The following SLC35F1 variants were observed in gnomAD, a reference collection of about 807,000 sequenced individuals.
SLC35F1 encodes the protein chromosome 6 open reading frame 169.
In SLC35F1, 14 loss-of-function variants were observed where a neutral mutation model predicts 48.7. That is an observed-to-expected ratio of 0.29 (90% CI 0.19 to 0.45). The LOEUF (loss-of-function observed/expected upper bound fraction) is 0.45, where lower values mean the gene tolerates loss of function less well. Ranked by LOEUF, SLC35F1 falls within the 20% of genes least tolerant of loss-of-function variation. The probability of loss-of-function intolerance (pLI) is 1.00; values close to 1 mark genes in which losing one functional copy is unlikely to be tolerated. For missense variants in SLC35F1, 404 were observed against 500.0 expected (o/e 0.81, Z 1.83); for synonymous variants, 190 against 202.2 (o/e 0.94, Z 0.51).
intron 1 of SLC35F1, among the ~76,000 whole-genome samples, chr6:118,090,434 G>C (rs1773056244): frequency 6.6e-6 from 1 of 152,120 alleles, no homozygotes; most frequent in Non-Finnish European, 1.5e-5. Flanking sequence ...AAGCTGAAAT[G>C]GTGAGATACT....
Position 118,315,037 on chromosome 6 carries a change from A to G in SLC35F1, c.*785A>G, listed in dbSNP as rs182031707. Reference sequence around the variant, plus strand: ...TACTGTGGCTTTTGGGAGCCCCCAGAAATAATATCATTTGTGTTTAGGACA... The same window carrying G: ...TACTGTGGCTTTTGGGAGCCCCCAGGAATAATATCATTTGTGTTTAGGACA... On this transcript the variant is annotated 3_prime_UTR_variant, in exon 8 of 8. Transcript: ENST00000360388. 1 of 152,760 alleles carries G rather than the reference A, an allele frequency of 6.5e-6. No individual in the cohort carries two copies. Among genetic ancestry groups the G allele is most frequent in the African/African-American group, 2.4e-5 (1 of 41,566 alleles). The allele number at this position is 152,760 out of a possible 1,614,324, so 9.5% of individuals were successfully genotyped here.
At chr6:118,117,323 G>A (rs1045720159) in intron 1 of SLC35F1, among the ~76,000 whole-genome samples, 5 of 152,190 alleles carry the variant, frequency 3.3e-5, no homozygotes, top group African/African-American at 1.2e-4. Flanking sequence ...ATTTTGCAGA[G>A]CAGCTTGCTT....
intron 1 of SLC35F1, among the ~76,000 whole-genome samples, chr6:118,012,788 C>T (rs1562264024): frequency 6.6e-6 from 1 of 152,136 alleles, no homozygotes; most frequent in Admixed American, 6.6e-5. Flanking sequence ...TTATTACAAA[C>T]CATTAAGTAC....
intron 1 of SLC35F1, among the ~76,000 whole-genome samples, chr6:118,008,235 G>A (rs1346614400): frequency 6.6e-6 from 1 of 151,110 alleles, no homozygotes; most frequent in Non-Finnish European, 1.5e-5. Context: ...ATGTACAACT[G>A]TTATATACCA....
intron 2 of SLC35F1, among the ~76,000 whole-genome samples, chr6:118,229,035 A>G (rs1253061174): frequency 6.6e-6 from 1 of 151,684 alleles, no homozygotes. Context: ...GAACAAGAAT[A>G]CTATGAATCA....
intron 1 of SLC35F1, among the ~76,000 whole-genome samples, chr6:117,940,770 A>G (rs1223139509): frequency 1.3e-5 from 2 of 151,996 alleles, no homozygotes; most frequent in Admixed American, 6.6e-5. Context: ...CACCTCAGCC[A>G]CACGAGTAGC....
intron 1 of SLC35F1, among the ~76,000 whole-genome samples, chr6:118,150,778 ATTATT>A (rs2114461653): frequency 6.6e-6 from 1 of 152,344 alleles, no homozygotes; most frequent in South Asian, 2.1e-4. Flanking sequence ...TTTAAACATT[ATTATT>A]TTAACTATCA....
chr6:118,064,858 T>A (rs1772591107), intron 1 of SLC35F1, among the ~76,000 whole-genome samples: 1 of 152,162 alleles, frequency 6.6e-6, no homozygotes, highest in Non-Finnish European at 1.5e-5. Flanking sequence ...TCTTCCTCAG[T>A]ATCTTGTACT....
chr6:118,012,018 A>G (rs1777255581), intron 1 of SLC35F1, among the ~76,000 whole-genome samples: 1 of 152,212 alleles, frequency 6.6e-6, no homozygotes, highest in Non-Finnish European at 1.5e-5. Flanking sequence ...AATGATATTA[A>G]TATTTGTAAT....
At chr6:118,285,960 G>T (rs894416421) in intron 7 of SLC35F1, among the ~76,000 whole-genome samples, 1 of 152,106 alleles carries the variant, frequency 6.6e-6, no homozygotes, top group Non-Finnish European at 1.5e-5. Flanking sequence ...AACTCTACCC[G>T]CATCTTTGCC....
At chr6:118,019,010 A>C (rs1453362190) in intron 1 of SLC35F1, among the ~76,000 whole-genome samples, 1 of 152,212 alleles carries the variant, frequency 6.6e-6, no homozygotes, top group Non-Finnish European at 1.5e-5. Flanking sequence ...TGAATGGGTC[A>C]GTTCAAACAA....
At chr6:118,295,841 A>G (rs760843612) in intron 7 of SLC35F1, among the ~76,000 whole-genome samples, 2 of 152,220 alleles carry the variant, frequency 1.3e-5, no homozygotes, top group Admixed American at 6.5e-5. Flanking sequence ...TGAGAAAAGA[A>G]TTAGGGAAAC....
chr6:117,996,706 C>T (rs1776997346), intron 1 of SLC35F1, among the ~76,000 whole-genome samples: 1 of 152,202 alleles, frequency 6.6e-6, no homozygotes, highest in Non-Finnish European at 1.5e-5. Flanking sequence ...CTCCAACAGA[C>T]CTGCAGCTGA....
intron 2 of SLC35F1, among the ~76,000 whole-genome samples, chr6:118,183,091 A>G (rs1490367434): frequency 2.0e-5 from 3 of 152,224 alleles, no homozygotes; most frequent in Non-Finnish European, 4.4e-5. Flanking sequence ...GAAGAACTGT[A>G]TGGCTCAGAT....
chr6:118,069,295 A>T (rs184459664), intron 1 of SLC35F1, among the ~76,000 whole-genome samples: 4 of 152,188 alleles, frequency 2.6e-5, no homozygotes, highest in Non-Finnish European at 5.9e-5. Context: ...TTATTTCAGG[A>T]CATATCGAAT....
chr6:117,919,897 T>G (rs754831435), intron 1 of SLC35F1, among the ~76,000 whole-genome samples: 1 of 152,124 alleles, frequency 6.6e-6, no homozygotes, highest in African/African-American at 2.4e-5. Flanking sequence ...TTGACAGGCT[T>G]CAGGAAAGGG....
chr6:117,932,145 C>T (rs1263381134), intron 1 of SLC35F1, among the ~76,000 whole-genome samples: 3 of 152,230 alleles, frequency 2.0e-5, no homozygotes, highest in East Asian at 1.9e-4. Context: ...TGTGTGAGGA[C>T]GCAGCAAAAT....
At chr6:118,036,686 T>C (rs1772136098) in intron 1 of SLC35F1, among the ~76,000 whole-genome samples, 1 of 152,128 alleles carries the variant, frequency 6.6e-6, no homozygotes, top group Non-Finnish European at 1.5e-5. Context: ...GCCTCCCAAG[T>C]AGCTGGGACT....
chr6:118,288,324 G>A (rs1297428914), intron 7 of SLC35F1, among the ~76,000 whole-genome samples: 2 of 152,146 alleles, frequency 1.3e-5, no homozygotes, highest in Non-Finnish European at 2.9e-5. Context: ...GTGACAATAT[G>A]TGCCCAAGGA....
Sources: allele counts gnomAD v4.1 joint callset (sites outside exome capture counted in the v4.1 genomes callset), GRCh38; gene constraint gnomAD v4.1.1; transcripts MANE v1.5; gene names NCBI Gene and HGNC (gene_info 2026-07-23, HGNC 2026-07-21).